ACTR1A: variants seen among roughly 807,000 people sequenced by gnomAD.
The protein encoded by ACTR1A is actin related protein 1A, also known as alpha-centractin.
Under a neutral mutation model 50.7 loss-of-function variants are expected in ACTR1A, and 10 were observed. That is an observed-to-expected ratio of 0.20 (90% CI 0.12 to 0.33). The LOEUF (loss-of-function observed/expected upper bound fraction) is 0.33. Among genes scored for constraint, ACTR1A ranks in the 10% least tolerant of loss-of-function variants. The probability of loss-of-function intolerance (pLI) is 1.00; values close to 1 mark genes in which losing one functional copy is unlikely to be tolerated. For missense variants in ACTR1A, 253 were observed against 491.7 expected (o/e 0.51, Z 4.59); for synonymous variants, 177 against 184.2 (o/e 0.96, Z 0.32).
At chr10:102,495,969 G>A (rs2062220170) in intron 1 of ACTR1A, among the ~76,000 whole-genome samples, 2 of 151,186 alleles carry the variant, frequency 1.3e-5, no homozygotes, top group South Asian at 4.2e-4. Flanking sequence ...TGTTTGAGAC[G>A]CAGTCTCGCT....
chr10:102,482,614 C>T lies in ACTR1A; in HGVS notation c.750+397G>A. ...GCGGGAGGGAGCAAAGTTCTGGCTG[C>T]CTCCTCTGCAGGAGACAGGGCCACT... On this transcript the variant is annotated intron_variant, in intron 7 of 10. Coordinates refer to ENST00000369905, the MANE Select transcript of ACTR1A (RefSeq NM_005736.4). This position sits in a 1 kb window ranked among gnomAD's most constrained non-coding sequence, Gnocchi z 5.6. 1 of 270,294 alleles carries T rather than the reference C, an allele frequency of 3.7e-6. No individual in the cohort carries two copies. The highest frequency in any genetic ancestry group is 7.1e-6 in the Non-Finnish European group (1 of 140,964). 16.7% of individuals were successfully genotyped at this position (270,294 alleles called of 1,614,324 possible).
At chr10:102,484,455 A>G (rs1360754660) in intron 5 of ACTR1A, 79 bp from the exon 6 acceptor site, 6 of 1,265,582 alleles carry the variant, frequency 4.7e-6, no homozygotes, top group East Asian at 5.0e-5. Context: ...TTAGGGTTCA[A>G]TGTCAGCTAA....
chr10:102,483,062 C>T lies in ACTR1A; in HGVS notation c.699G>A (p.Thr233=), dbSNP rs757442947. The T allele has an allele frequency of 6.8e-6, 11 of 1,614,096 alleles. No homozygotes were observed. Among genetic ancestry groups the T allele is most frequent in the South Asian group, 3.3e-5 (3 of 91,088 alleles). The change falls in exon 7 of 11, where the codon ACG becomes ACA. Residue 233 remains threonine, a synonymous_variant. Transcript: ENST00000369905. Reference sequence around the variant, plus strand: ...AGTACTGAGCTTTCTCTGTCTCTAGCGTCTCATCCTTTTGGGGGTTTATGG... The same window carrying T: ...AGTACTGAGCTTTCTCTGTCTCTAGTGTCTCATCCTTTTGGGGGTTTATGG... ...YLSINPQKDE[T]LETEKAQYYL...
chr10:102,501,169 G>C (rs2062249687), intron 1 of ACTR1A, among the ~76,000 whole-genome samples: 1 of 151,252 alleles, frequency 6.6e-6, no homozygotes, highest in Non-Finnish European at 1.5e-5. Context: ...ATGGAGAGAA[G>C]GAAAATTTAA....
chr10:102,481,381 G>C (rs1337453759), intron 9 of ACTR1A, among the ~76,000 whole-genome samples: 7 of 142,444 alleles, frequency 4.9e-5, no homozygotes, highest in Admixed American at 6.7e-5. Flanking sequence ...GGGACTATTG[G>C]GGGGGGCAGG....
At chr10:102,501,071 CAA>C (rs766863418) in intron 1 of ACTR1A, among the ~76,000 whole-genome samples, 7 of 105,424 alleles carry the variant, frequency 6.6e-5, no homozygotes, top group Non-Finnish European at 5.9e-5. Context: ...ACCCTGTCTC[CAA>C]AAAAAAAAAA....
rs1241226676 is a variant in ACTR1A, at chr10:102,482,943, A to G, written c.750+68T>C. On this transcript the variant is annotated intron_variant, in intron 7 of 10. Transcript: ENST00000369905. This position sits in a 1 kb window ranked among gnomAD's most constrained non-coding sequence, Gnocchi z 5.6. ...CCTGCCAGACTCCAGACCCTGATGGAGAATTCTGGTTGGGCCCAGAGCTTT... is the reference window on the plus strand; with the variant it reads ...CCTGCCAGACTCCAGACCCTGATGGGGAATTCTGGTTGGGCCCAGAGCTTT... The G allele has an allele frequency of 1.5e-6, 2 of 1,310,844 alleles. No homozygotes were observed. The highest frequency in any genetic ancestry group is 4.6e-5 in the East Asian group (2 of 43,432). 81.2% of individuals were successfully genotyped at this position (1,310,844 alleles called of 1,614,324 possible).
intron 1 of ACTR1A, among the ~76,000 whole-genome samples, chr10:102,501,692 C>A (rs2062252523): frequency 6.6e-6 from 1 of 152,228 alleles, no homozygotes; most frequent in Non-Finnish European, 1.5e-5. Context: ...CACGTTACGT[C>A]TTCGCGCTTC....
chr10:102,488,974 G>A lies in ACTR1A; in HGVS notation c.189+89C>T. 1.0e-6 allele frequency: 1 copy of A among 966,600 alleles called. No individual in the cohort carries two copies. Among genetic ancestry groups the A allele is most frequent in the South Asian group, 2.7e-5 (1 of 36,390 alleles). The allele number at this position is 966,600 out of a possible 1,614,324, so 59.9% of individuals were successfully genotyped here. The stretch of plus-strand genomic sequence containing the variant: ...AGAAAGTTGCCCCTTTTACTTATGG[G>A]TATGTCCAAATGTTGGGACATGTTC... On this transcript the variant is annotated intron_variant, in intron 3 of 10. Transcript: ENST00000369905. The surrounding 1 kb of genome is among the most constrained non-coding windows in gnomAD (Gnocchi z 4.4).
chr10:102,495,952 T>G (rs2062220039), intron 1 of ACTR1A, among the ~76,000 whole-genome samples: 1 of 148,830 alleles, frequency 6.7e-6, no homozygotes, highest in Non-Finnish European at 1.5e-5. Context: ...TTATTTTATT[T>G]TGTTTTTGTT....
At chr10:102,496,874 A>G (rs2062224863) in intron 1 of ACTR1A, among the ~76,000 whole-genome samples, 1 of 152,182 alleles carries the variant, frequency 6.6e-6, no homozygotes, top group Admixed American at 6.5e-5. Context: ...TAGTATATTG[A>G]TTATGTTTTT....
intron 5 of ACTR1A, 22 bp downstream of exon 5, chr10:102,485,587 G>A (rs764404414): frequency 2.0e-5 from 32 of 1,612,470 alleles, no homozygotes; most frequent in African/African-American, 1.2e-4. Context: ...CGCAGGGGCC[G>A]GGCTAGCCAG....
chr10:102,484,410 G>T (rs1281268614), intron 5 of ACTR1A, 34 bp from the exon 6 acceptor site: 2 of 1,536,908 alleles, frequency 1.3e-6, no homozygotes, highest in Non-Finnish European at 1.8e-6. Context: ...ACTCAGCACT[G>T]CCTCCTCACG....
At chr10:102,493,259 G>A (rs570308729) in intron 1 of ACTR1A, among the ~76,000 whole-genome samples, 2 of 152,224 alleles carry the variant, frequency 1.3e-5, no homozygotes, top group South Asian at 2.1e-4. Context: ...AGCAAGGCAC[G>A]GACAGGCAAG....
Position 102,484,190 on chromosome 10 carries a change from A to G in ACTR1A, c.627T>C (p.Ser209=). 6.2e-7 allele frequency: 1 copy of G among 1,614,148 alleles called. No individual in the cohort carries two copies. The highest frequency in any genetic ancestry group is 1.1e-5 in the South Asian group (1 of 91,088). The change falls in exon 6 of 11, where the codon TCT becomes TCC. Residue 209 remains serine, a synonymous_variant. Transcript: ENST00000369905. ...RKEGYDFHSS[S]EFEIVKAIKE... ...TTATGGCCTTGACAATCTCAAACTC[A>G]GAGGATGAGTGGAAGTCGTAGCCCT...
intron 1 of ACTR1A, among the ~76,000 whole-genome samples, chr10:102,502,292 A>AT (rs1454252110): frequency 1.3e-5 from 2 of 151,592 alleles, no homozygotes; most frequent in African/African-American, 4.8e-5. Flanking sequence ...GCGATCGGAA[A>AT]TGGGGGAGAG....
At chr10:102,500,872 A>G (rs2062247463) in intron 1 of ACTR1A, among the ~76,000 whole-genome samples, 1 of 152,052 alleles carries the variant, frequency 6.6e-6, no homozygotes, top group African/African-American at 2.4e-5. Context: ...CAGGAGTTTG[A>G]GACCAGCCTG....
chr10:102,486,846 T>A (rs1488474924), intron 4 of ACTR1A, among the ~76,000 whole-genome samples: 2 of 151,276 alleles, frequency 1.3e-5, no homozygotes, highest in African/African-American at 4.9e-5. Flanking sequence ...AGTTCAGTGG[T>A]GCGATCTTGG....
Position 102,479,728 on chromosome 10 carries a change from G to A in ACTR1A, c.*1135C>T. 8.0e-7 allele frequency: 1 copy of A among 1,256,888 alleles called. No homozygotes were observed. Among genetic ancestry groups the A allele is most frequent in the Non-Finnish European group, 1.0e-6 (1 of 960,664 alleles). 77.9% of individuals were successfully genotyped at this position (1,256,888 alleles called of 1,614,324 possible). A position where few individuals can be genotyped will look rare whatever the true frequency, so the allele number is the denominator to read the frequency against. On this transcript the variant is annotated 3_prime_UTR_variant, in exon 11 of 11. Transcript: ENST00000369905. The surrounding 1 kb of genome is among the most constrained non-coding windows in gnomAD (Gnocchi z 4.0). ...CAGCTACAGTGGCAAAAGGCAACTTGGTAAATTGCAGCTTTCTCCAGTCTT... is the reference window on the plus strand; with the variant it reads ...CAGCTACAGTGGCAAAAGGCAACTTAGTAAATTGCAGCTTTCTCCAGTCTT...
Sources: gnomAD v4.1 joint callset for allele counts (sites outside exome capture counted in the v4.1 genomes callset) on GRCh38, gnomAD v4.1.1 for gene constraint, Gnocchi (gnomAD v3.1) non-coding constraint, MANE v1.5 for transcripts, NCBI Gene and HGNC (gene_info 2026-07-23, HGNC 2026-07-21) for gene names.